Variants in ZNF559 observed in about 807,000 individuals in gnomAD.
ZNF559 encodes putative protein product of Nbla00121.
ZNF559 carries 17 observed loss-of-function variants against 14.2 expected under a neutral mutation model. The ratio of observed to expected loss-of-function variants is 1.20; its 90% confidence interval spans 0.82 to 1.80. ZNF559 has a LOEUF of 1.80. Among genes scored for constraint, ZNF559 ranks in the 40% most tolerant of loss-of-function variants. ZNF559 has a pLI of 0.00. For missense variants in ZNF559, 740 were observed against 629.7 expected (o/e 1.18, Z -1.88); for synonymous variants, 244 against 212.4 (o/e 1.15, Z -1.29).
Position 9,343,410 on chromosome 19 carries a change from T to G in ZNF559, c.*342T>G. The G allele has an allele frequency of 9.2e-7, 1 of 1,091,542 alleles. No homozygotes were observed. The highest frequency in any genetic ancestry group is 1.1e-6 in the Non-Finnish European group (1 of 895,992). 67.6% of individuals were successfully genotyped at this position (1,091,542 alleles called of 1,614,324 possible). ...TGTGAGGAAGGTGGAAAAGCTTTCA[T>G]TATTTTCCTCGGGCCTTACTGAGCT... is the stretch of plus-strand genomic sequence containing the variant. On this transcript the variant is annotated 3_prime_UTR_variant, in exon 7 of 7. Coordinates refer to ENST00000603380, the MANE Select transcript of ZNF559 (RefSeq NM_032497.3).
chr19:9,342,747 T>C lies in ZNF559; in HGVS notation c.1296T>C (p.Ser432=). Residue 432 remains serine, a synonymous_variant, in exon 7 of 7, where the codon AGT becomes AGC. Transcript: ENST00000603380. ...SFLIRHLRSH[S]AERPFECEEC... is the part of the protein sequence containing the mutation. The stretch of plus-strand genomic sequence containing the variant: ...TTATTCGACATTTGAGAAGTCACAG[T>C]GCAGAAAGGCCTTTTGAATGTGAGG... 1.2e-6 allele frequency: 2 copies of C among 1,614,244 alleles called. No individual in the cohort carries two copies. The highest frequency in any genetic ancestry group is 1.7e-6 in the Non-Finnish European group (2 of 1,180,042).
At chr19:9,328,565 CTGGTCTCAACTCCTGACCTCAGG>C (rs559428333) in intron 2 of ZNF559, among the ~76,000 whole-genome samples, 96 of 151,948 alleles carry the variant, frequency 6.3e-4, no homozygotes, top group Non-Finnish European at 9.3e-4. Flanking sequence ...GTTGGCTAGG[CTGGTCTCAACTCCTGACCTCAGG>C]TGGTCTCAAC....
At chr19:9,324,468 G>C (rs2066455259) in intron 1 of ZNF559, 1 of 1,422,006 alleles carries the variant, frequency 7.0e-7, no homozygotes, top group African/African-American at 1.4e-5. Context: ...CGGGGGGCAC[G>C]GCCTTTCCAT....
At chr19:9,325,180 C>T (rs1599272649) in intron 2 of ZNF559, among the ~76,000 whole-genome samples, 2 of 152,194 alleles carry the variant, frequency 1.3e-5, no homozygotes. Context: ...CAAGGTGGCT[C>T]ACACCTGTAA....
intron 4 of ZNF559, 137 bp from the exon 5 acceptor site, chr19:9,339,056 G>A (rs2067396602): frequency 8.6e-7 from 1 of 1,165,148 alleles, no homozygotes; most frequent in South Asian, 1.4e-5. Context: ...ACAGACAGGG[G>A]AGAAGAAAGT....
intron 2 of ZNF559, among the ~76,000 whole-genome samples, chr19:9,325,222 A>G (rs1599272926): frequency 1.3e-5 from 2 of 152,038 alleles, no homozygotes; most frequent in Admixed American, 1.3e-4. Context: ...AGGCTGGAGG[A>G]TCGCTTGAGC....
rs765749351 is a variant in ZNF559 at position 9,342,869 on chromosome 19, C to G, written c.1418C>G (p.Ala473Gly). ...TATAAATGTCAAAAGTGTGGGCAAG[C>G]CTTCAGTATCTCATCAGGCCTTACA... ...RPYKCQKCGQ[A>G]FSISSGLTVH... Residue 473 changes from alanine to glycine, a missense_variant, in exon 7 of 7, where the codon GCC (alanine) becomes GGC (glycine). By Grantham distance (60) the Ala-to-Gly change is moderately conservative (BLOSUM62 0). Coordinates refer to ENST00000603380, the MANE Select transcript of ZNF559 (RefSeq NM_032497.3). 1.9e-6 allele frequency: 3 copies of G among 1,614,030 alleles called. No individual in the cohort carries two copies. Among genetic ancestry groups the G allele is most frequent in the Middle Eastern group, 1.6e-4 (1 of 6,062 alleles).
At chr19:9,335,466 C>T (rs994562357) in intron 2 of ZNF559, among the ~76,000 whole-genome samples, 1 of 152,132 alleles carries the variant, frequency 6.6e-6, no homozygotes, top group Admixed American at 6.5e-5. Flanking sequence ...CCTGTCTCCC[C>T]CATACCCCCA....
chr19:9,336,244 ATTAC>A (rs2067231978), intron 2 of ZNF559, among the ~76,000 whole-genome samples: 1 of 152,134 alleles, frequency 6.6e-6, no homozygotes, highest in African/African-American at 2.4e-5. Flanking sequence ...GGAGGATGAT[ATTAC>A]TTATCCATTC....
intron 2 of ZNF559, among the ~76,000 whole-genome samples, chr19:9,333,498 G>A (rs2067048248): frequency 6.6e-6 from 1 of 152,116 alleles, no homozygotes; most frequent in Admixed American, 6.5e-5. Flanking sequence ...CGTCCCACCT[G>A]AGCAACATAG....
intron 3 of ZNF559, 54 bp from the exon 4 acceptor site, chr19:9,338,440 A>G (rs1033609326): frequency 2.9e-6 from 4 of 1,369,774 alleles, no homozygotes; most frequent in Non-Finnish European, 4.1e-6. Context: ...TTGCCTTGTG[A>G]GTATGGAAGC....
Position 9,342,652 on chromosome 19 carries a change from C to T in ZNF559, c.1201C>T (p.Gln401Ter). The part of the protein sequence containing the change: ...INSSSFKSHM[Q>*]THPGVKPYDC... ...TTCCTCTTCCTTTAAAAGTCACATGCAGACTCATCCTGGTGTAAAACCCTA... is the reference window on the plus strand; with the variant it reads ...TTCCTCTTCCTTTAAAAGTCACATGTAGACTCATCCTGGTGTAAAACCCTA... Residue 401 changes from glutamine (Q) to a stop codon, truncating the protein, a stop_gained, in exon 7 of 7, where the codon CAG becomes TAG. Coordinates refer to ENST00000603380, the MANE Select transcript of ZNF559 (RefSeq NM_032497.3). LOFTEE classifies it low-confidence loss of function (END_TRUNC). 4 of 1,613,946 alleles carry T rather than the reference C, an allele frequency of 2.5e-6. No homozygotes were observed. Among genetic ancestry groups the T allele is most frequent in the Non-Finnish European group, 3.4e-6 (4 of 1,179,974 alleles).
rs913984547 is a variant in ZNF559 at position 9,338,520 on chromosome 19, C to T, written c.-30C>T. 2 of 1,613,818 alleles carry T rather than the reference C, an allele frequency of 1.2e-6. No individual in the cohort carries two copies. Among genetic ancestry groups the T allele is most frequent in the Middle Eastern group, 1.6e-4 (1 of 6,062 alleles). On this transcript the variant is annotated 5_prime_UTR_variant, in exon 4 of 7. Transcript: ENST00000603380. Reference sequence around the variant, plus strand: ...TCATCTTTCTCAAGATGTTTTCTGTCTTCATGAGTCAAAATTTGAAGAGGA... The same window carrying T: ...TCATCTTTCTCAAGATGTTTTCTGTTTTCATGAGTCAAAATTTGAAGAGGA...
Position 9,324,243 on chromosome 19 carries a change from C to G in ZNF559, c.-206+15C>G. Reference sequence around the variant, plus strand: ...TGGCGTCTGAGGTAAGTTTTTGTTTCTGGGCGGCGTTCGGTGGTGTCCCGG... The same window carrying G: ...TGGCGTCTGAGGTAAGTTTTTGTTTGTGGGCGGCGTTCGGTGGTGTCCCGG... On this transcript the variant is annotated intron_variant, in intron 1 of 6. Coordinates refer to ENST00000603380, the MANE Select transcript of ZNF559 (RefSeq NM_032497.3). 2 of 1,536,080 alleles carry G rather than the reference C, an allele frequency of 1.3e-6. No homozygotes were observed. Among genetic ancestry groups the G allele is most frequent in the Non-Finnish European group, 1.7e-6 (2 of 1,146,884 alleles).
chr19:9,339,140 C>G (rs1216474995), intron 4 of ZNF559, 53 bp from the exon 5 acceptor site: 6 of 1,609,358 alleles, frequency 3.7e-6, no homozygotes, highest in Non-Finnish European at 5.1e-6. Flanking sequence ...ATTCTCCAGT[C>G]AACATAGTGG....
At chr19:9,327,854 T>C (rs1328408182) in intron 2 of ZNF559, among the ~76,000 whole-genome samples, 1 of 152,218 alleles carries the variant, frequency 6.6e-6, no homozygotes, top group Non-Finnish European at 1.5e-5. Flanking sequence ...AATTTGGCTC[T>C]GTGTCTTGTG....
In ZNF559 at chr19:9,344,993, TA is replaced by T. The variant is rs2067698926; in HGVS notation, c.*1926del. ...ACCAGATGGTTTCCTCATGCCCTTTTATAATTTCTTCTTCTCCTCACCCTTC... is the reference window on the plus strand; with the variant it reads ...ACCAGATGGTTTCCTCATGCCCTTTTTAATTTCTTCTTCTCCTCACCCTTC... On this transcript the variant is annotated 3_prime_UTR_variant, in exon 7 of 7. Transcript: ENST00000603380. 1 of 152,176 alleles carries T rather than the reference TA, an allele frequency of 6.6e-6. No homozygotes were observed. The allele number at this position is 152,176 out of a possible 1,614,324, so 9.4% of individuals were successfully genotyped here.
intron 1 of ZNF559, 132 bp from the exon 2 acceptor site, chr19:9,324,563 G>A: frequency 3.4e-6 from 4 of 1,186,778 alleles, no homozygotes; most frequent in Admixed American, 5.3e-5. Context: ...GGCGGATTGG[G>A]TAGGAGGATT....
At position 9,338,544 on chromosome 19, in the gene ZNF559, G is replaced by A. The variant is rs2122191667; in HGVS notation, c.-6G>A. 8 of 1,614,056 alleles carry A rather than the reference G, an allele frequency of 5.0e-6. No homozygotes were observed. The highest frequency in any genetic ancestry group is 6.8e-6 in the Non-Finnish European group (8 of 1,179,938). ...TCTTCATGAGTCAAAATTTGAAGAG[G>A]AAAGGATGGTGGCTGGGTGGTTGAC... On this transcript the variant is annotated 5_prime_UTR_variant, in exon 4 of 7. Transcript: ENST00000603380.
Sources: allele counts gnomAD v4.1 joint callset (sites outside exome capture counted in the v4.1 genomes callset), GRCh38; gene constraint gnomAD v4.1.1; transcripts MANE v1.5; gene names NCBI Gene and HGNC (gene_info 2026-07-23, HGNC 2026-07-21).